SPATA13: variants seen among roughly 807,000 people sequenced by gnomAD.
SPATA13 encodes the protein spermatogenesis-associated protein 13.
Under a neutral mutation model 104.0 loss-of-function variants are expected in SPATA13, and 50 were observed. The ratio of observed to expected loss-of-function variants is 0.48; its 90% CI spans 0.38 to 0.61. SPATA13 has a LOEUF of 0.61. Among genes scored for constraint, SPATA13 ranks in the 20% least tolerant of loss-of-function variants. SPATA13 has a pLI of 0.00. For synonymous variants in SPATA13, 606 were observed against 667.5 expected (o/e 0.91, Z 1.42); for missense variants, 1,524 against 1,690.6 (o/e 0.90, Z 1.73).
At chr13:24,245,236 C>T (rs1477897004) in intron 2 of SPATA13, among the ~76,000 whole-genome samples, 1 of 151,748 alleles carries the variant, frequency 6.6e-6, no homozygotes, top group African/African-American at 2.4e-5. Flanking sequence ...AAACTACATT[C>T]CCTGGAATGA....
intron 3 of SPATA13, among the ~76,000 whole-genome samples, chr13:24,143,512 C>T (rs995331456): frequency 6.6e-6 from 1 of 152,088 alleles, no homozygotes; most frequent in Non-Finnish European, 1.5e-5. Flanking sequence ...TCTATTTTTG[C>T]AAAGATGAGT....
At chr13:24,105,612 G>A (rs181573754) in intron 3 of SPATA13, among the ~76,000 whole-genome samples, 1 of 152,230 alleles carries the variant, frequency 6.6e-6, no homozygotes, top group East Asian at 1.9e-4. Context: ...GGCCTACGGA[G>A]GATGTGCTTT....
intron 2 of SPATA13, among the ~76,000 whole-genome samples, chr13:24,003,455 A>G (rs9551037): frequency 0.16 from 23,943 of 152,228 alleles, 2,561 homozygotes; most frequent in East Asian, 0.51. Context: ...AGGAACCTGA[A>G]TTAAGGCTGC....
chr13:24,167,639 C>T (rs1593375285), intron 1 of SPATA13, among the ~76,000 whole-genome samples: 1 of 152,178 alleles, frequency 6.6e-6, no homozygotes, highest in Non-Finnish European at 1.5e-5. Flanking sequence ...TGTACCTTCT[C>T]CAACCAATCA....
Position 23,980,235 on chromosome 13 carries a change from G to T in SPATA13, c.-354+311G>T, listed in dbSNP as rs566863927. Among the ~76,000 whole-genome samples the T allele has an allele frequency of 1.8e-4, 28 of 152,322 alleles. No individual in the cohort carries two copies. The East Asian group carries it at 5.4e-3, about 29-fold the overall frequency. On this transcript the variant is annotated intron_variant, in intron 1 of 14. Transcript: ENST00000424834. The stretch of plus-strand genomic sequence containing the variant: ...TGCCGCGGCCCCAGCAGGCTCAAGG[G>T]GTGAGCGCATAGGGGCGCCGGGGCA...
At chr13:24,060,730 A>G (rs184262025) in intron 3 of SPATA13, among the ~76,000 whole-genome samples, 2 of 152,342 alleles carry the variant, frequency 1.3e-5, no homozygotes, top group Admixed American at 1.3e-4. Flanking sequence ...AAGGAACTTA[A>G]GCAAATTTAG....
chr13:24,147,651 T>A (rs1197115388), intron 3 of SPATA13, among the ~76,000 whole-genome samples: 1 of 151,608 alleles, frequency 6.6e-6, no homozygotes, highest in East Asian at 1.9e-4. Flanking sequence ...ATCTTAACCA[T>A]GTTTAAGTCT....
intron 1 of SPATA13, among the ~76,000 whole-genome samples, chr13:24,211,353 C>T (rs970989811): frequency 3.3e-5 from 5 of 152,142 alleles, no homozygotes; most frequent in East Asian, 1.9e-4. Context: ...GAAAAGCTTT[C>T]AGGTTTGCAC....
At chr13:24,007,881 GTATT>G (rs1318294342) in intron 2 of SPATA13, among the ~76,000 whole-genome samples, 1 of 152,208 alleles carries the variant, frequency 6.6e-6, no homozygotes, top group Non-Finnish European at 1.5e-5. Context: ...TTAATAAACA[GTATT>G]TATTGTCATC....
chr13:24,275,837 G>A (rs1391532071), intron 4 of SPATA13, among the ~76,000 whole-genome samples: 1 of 152,212 alleles, frequency 6.6e-6, no homozygotes, highest in Non-Finnish European at 1.5e-5. Flanking sequence ...GGTAGTCTTA[G>A]GCAGGAGAAT....
intron 4 of SPATA13, among the ~76,000 whole-genome samples, chr13:24,270,052 A>G (rs1264397416): frequency 6.6e-6 from 1 of 152,110 alleles, no homozygotes; most frequent in Non-Finnish European, 1.5e-5. Context: ...GATGACTGTG[A>G]GGTCACTACT....
chr13:24,047,155 G>A (rs1878180816), intron 3 of SPATA13, among the ~76,000 whole-genome samples: 1 of 152,134 alleles, frequency 6.6e-6, no homozygotes, highest in Admixed American at 6.5e-5. Flanking sequence ...ATGAGTCACG[G>A]GTCAGGTGCA....
At chr13:24,175,230 T>G (rs891164543) in intron 1 of SPATA13, among the ~76,000 whole-genome samples, 1 of 138,128 alleles carries the variant, frequency 7.2e-6, no homozygotes, top group Non-Finnish European at 1.6e-5. Context: ...CTTGTTTTTT[T>G]GTTTTTTTTA....
chr13:24,158,608 C>T (rs753908950), upstream of SPATA13, among the ~76,000 whole-genome samples: 1 of 152,166 alleles, frequency 6.6e-6, no homozygotes, highest in Non-Finnish European at 1.5e-5. Context: ...TAATCTGAAC[C>T]CAGACATATC....
intron 3 of SPATA13, among the ~76,000 whole-genome samples, chr13:24,069,512 G>T (rs555616915): frequency 1.3e-5 from 2 of 152,268 alleles, no homozygotes; most frequent in South Asian, 4.1e-4. Context: ...AGGTTAAGAA[G>T]CTTTTGGTCT....
At chr13:24,131,540 AG>A (rs1881389088) in intron 3 of SPATA13, among the ~76,000 whole-genome samples, 1 of 152,356 alleles carries the variant, frequency 6.6e-6, no homozygotes, top group African/African-American at 2.4e-5. Flanking sequence ...GGTGTCCAGG[AG>A]GTAAAGTTTG....
rs1458068316 is a variant in SPATA13 at position 24,103,504 on chromosome 13, A to AAAAAAAG, written c.-112+85804_-112+85805insAAAAAGA. On this transcript the variant is annotated intron_variant, in intron 3 of 14. Coordinates refer to the SPATA13 transcript ENST00000424834. ...TGTCTCAAAAAAAAAAAAAAAAAAC[A>AAAAAAAG]AGAAAGAAAAGAGCAGGGGAGGAGA... is the stretch of plus-strand genomic sequence containing the variant. 3.1e-3 allele frequency among the ~76,000 whole-genome samples: 356 copies of AAAAAAAG among 115,544 alleles called. 20 individuals carry two copies. Among genetic ancestry groups the AAAAAAAG allele is most frequent in the Non-Finnish European group, 3.6e-3 (203 of 55,934 alleles). The allele number at this position is 115,544 out of a possible 152,430, so 75.8% of individuals were successfully genotyped here. A position where few individuals can be genotyped will look rare whatever the true frequency, so the allele number is the denominator to read the frequency against.
intron 2 of SPATA13, among the ~76,000 whole-genome samples, chr13:24,012,854 G>T (rs543581303): frequency 1.3e-5 from 2 of 152,328 alleles, no homozygotes; most frequent in South Asian, 2.1e-4. Context: ...GCGTCTGCAG[G>T]TCGGGGCTTT....
In SPATA13 at chr13:24,297,238, C is replaced by T. The variant is rs1001541415; in HGVS notation, c.3211-125C>T. The stretch of plus-strand genomic sequence containing the variant: ...AATTTTATGTGGAGATGGGGTCTTG[C>T]TGTGTTGCCCAGGCTGGTCTCAAAC... On this transcript the variant is annotated intron_variant, in intron 10 of 12. Coordinates refer to ENST00000382108, the MANE Select transcript of SPATA13 (RefSeq NM_001166271.3). The T allele has an allele frequency of 1.9e-5, 22 of 1,129,726 alleles. No individual in the cohort carries two copies. The African/African-American group carries it at 2.8e-4, about 14-fold the overall frequency. The allele number at this position is 1,129,726 out of a possible 1,614,324, so 70.0% of individuals were successfully genotyped here.
Sources: allele counts gnomAD v4.1 joint callset (sites outside exome capture counted in the v4.1 genomes callset), GRCh38; gene constraint gnomAD v4.1.1; transcripts MANE v1.5; gene names NCBI Gene and HGNC (gene_info 2026-07-23, HGNC 2026-07-21).